FOXN3: variants seen among roughly 807,000 people sequenced by gnomAD.
The protein encoded by FOXN3 is forkhead box N3.
FOXN3 carries 7 observed loss-of-function variants against 38.4 expected under a neutral mutation model. The observed-to-expected ratio is 0.18, with a 90% CI of 0.10 to 0.34. The LOEUF (loss-of-function observed/expected upper bound fraction) is 0.34. Ranked by LOEUF, FOXN3 falls within the 10% of genes least tolerant of loss-of-function variation. FOXN3 has a pLI of 1.00. For missense variants in FOXN3, 456 were observed against 613.4 expected, an observed-to-expected ratio of 0.74 and a Z score of 2.71; for synonymous variants, 230 against 242.2, an observed-to-expected ratio of 0.95 and a Z score of 0.47.
intron 2 of FOXN3, among the ~76,000 whole-genome samples, chr14:89,407,144 C>T (rs1032123607): frequency 2.6e-5 from 4 of 152,148 alleles, no homozygotes; most frequent in African/African-American, 7.2e-5. Context: ...CCCAGACGTT[C>T]GTACTTCCTT....
upstream of FOXN3, among the ~76,000 whole-genome samples, chr14:89,420,902 A>T (rs917058127): frequency 3.4e-5 from 5 of 148,872 alleles, no homozygotes; most frequent in South Asian, 1.1e-3. Flanking sequence ...AAAAAAAAAG[A>T]TAAATGGGGA....
intron 3 of FOXN3, among the ~76,000 whole-genome samples, chr14:89,296,157 GTT>G (rs577767966): frequency 4.0e-3 from 606 of 152,196 alleles, no homozygotes; most frequent in African/African-American, 0.014. Context: ...TGGGATGCAT[GTT>G]TTGAGTATAT....
At chr14:89,583,343 T>C (rs1289126790) in intron 1 of FOXN3, among the ~76,000 whole-genome samples, 1 of 152,232 alleles carries the variant, frequency 6.6e-6, no homozygotes, top group African/African-American at 2.4e-5. Flanking sequence ...CATAGATGGA[T>C]TAATGCCGCT....
At chr14:89,292,409 G>T (rs1886902440) in intron 3 of FOXN3, among the ~76,000 whole-genome samples, 1 of 152,118 alleles carries the variant, frequency 6.6e-6, no homozygotes, top group African/African-American at 2.4e-5. Flanking sequence ...CCTGCCAGGG[G>T]TCACCTGGGT....
intron 1 of FOXN3, among the ~76,000 whole-genome samples, chr14:89,608,066 C>T (rs1343590498): frequency 6.6e-6 from 1 of 152,096 alleles, no homozygotes; most frequent in Non-Finnish European, 1.5e-5. Flanking sequence ...GAAAGCTCCG[C>T]TTCCCAGGTT....
intron 4 of FOXN3, among the ~76,000 whole-genome samples, chr14:89,227,016 CT>C (rs1163833198): frequency 1.3e-5 from 2 of 152,340 alleles, no homozygotes; most frequent in Non-Finnish European, 2.9e-5. Context: ...GTGCTGGGTA[CT>C]TTGTTACGGC....
intron 1 of FOXN3, among the ~76,000 whole-genome samples, chr14:89,495,880 G>A (rs764399797): frequency 4.6e-5 from 7 of 152,212 alleles, no homozygotes; most frequent in South Asian, 4.1e-4. Context: ...GTCAGACCTT[G>A]CTTAGGTCAC....
At chr14:89,336,216 C>CTCCACCCATCCATCCATCCA (rs150227035) in intron 3 of FOXN3, among the ~76,000 whole-genome samples, 1 of 143,038 alleles carries the variant, frequency 7.0e-6, no homozygotes, top group Non-Finnish European at 1.5e-5. Flanking sequence ...CTAACGGTGC[C>CTCCACCCATCCATCCATCCA]TCCATCCATC....
Position 89,157,547 on chromosome 14 carries a change from A to G in FOXN3, c.*4867T>C, listed in dbSNP as rs2092508774. On this transcript the variant is annotated 3_prime_UTR_variant, in exon 6 of 6. Coordinates refer to ENST00000557258, the MANE Select transcript of FOXN3 (RefSeq NM_005197.4). ...TGAATGCCATGTGTAAATCCTCATGAAACTCCAGAAACAGGAACACCACAC... is the reference window on the plus strand; with the variant it reads ...TGAATGCCATGTGTAAATCCTCATGGAACTCCAGAAACAGGAACACCACAC... 1 of 152,668 alleles carries G rather than the reference A, an allele frequency of 6.6e-6. No homozygotes were observed. Among genetic ancestry groups the G allele is most frequent in the Admixed American group, 6.5e-5 (1 of 15,294 alleles). 9.5% of individuals were successfully genotyped at this position (152,668 alleles called of 1,614,324 possible). A position where few individuals can be genotyped will look rare whatever the true frequency, so the allele number is the denominator to read the frequency against.
At chr14:89,508,708 G>A (rs748399796) in intron 1 of FOXN3, among the ~76,000 whole-genome samples, 2 of 152,174 alleles carry the variant, frequency 1.3e-5, no homozygotes, top group Non-Finnish European at 2.9e-5. Flanking sequence ...TCCAATGTTC[G>A]TGGGCCATGG....
chr14:89,598,672 A>G (rs1896103862), intron 1 of FOXN3, among the ~76,000 whole-genome samples: 1 of 152,218 alleles, frequency 6.6e-6, no homozygotes, highest in African/African-American at 2.4e-5. Flanking sequence ...GTTTTCTTTC[A>G]GCAATTTGAA....
At position 89,376,835 on chromosome 14, in the gene FOXN3, G is replaced by A. The variant is rs183135026; in HGVS notation, c.544-26027C>T. 3.6e-3 allele frequency among the ~76,000 whole-genome samples: 548 copies of A among 151,822 alleles called. 3 individuals are homozygous for A. Among genetic ancestry groups the A allele is most frequent in the African/African-American group, 0.013 (520 of 41,382 alleles). On this transcript the variant is annotated intron_variant, in intron 2 of 5. Coordinates refer to ENST00000557258, the MANE Select transcript of FOXN3 (RefSeq NM_005197.4). ...TCAACACCAGCCTGGCCAACATGGT[G>A]AAACCCCGTCTCTACTAAAAATACA...
intron 2 of FOXN3, among the ~76,000 whole-genome samples, chr14:89,356,824 C>T (rs759702863): frequency 2.6e-5 from 4 of 152,154 alleles, no homozygotes; most frequent in Admixed American, 2.6e-4. Context: ...TGGGAAAAAA[C>T]ACAGTAAGTA....
rs868343755 is a variant in FOXN3, at chr14:89,305,966, C to T, written c.681-24952G>A. ...CTCTAAGAATAAGGATGAAAAGAAG[C>T]AGCTGAGAGACCTAAGCCTTTTAAA... On this transcript the variant is annotated intron_variant, in intron 3 of 5. Transcript: ENST00000557258. Among the ~76,000 whole-genome samples the T allele has an allele frequency of 4.6e-5, 7 of 152,308 alleles. No homozygotes were observed. The South Asian group carries it at 1.0e-3, about 23-fold the overall frequency.
chr14:89,612,547 G>A (rs946612735), intron 1 of FOXN3, among the ~76,000 whole-genome samples: 3 of 152,192 alleles, frequency 2.0e-5, no homozygotes, highest in Admixed American at 2.0e-4. Context: ...TGTAATCCCA[G>A]CACTTTGGGA....
At chr14:89,348,606 G>T (rs778106082) in intron 3 of FOXN3, among the ~76,000 whole-genome samples, 25 of 152,136 alleles carry the variant, frequency 1.6e-4, no homozygotes, top group Non-Finnish European at 3.2e-4. Context: ...CACCGCCAGT[G>T]ACCTCTGTGG....
At chr14:89,325,265 CCATCACCAACACCAACACCAA>C (rs1888025422) in intron 3 of FOXN3, among the ~76,000 whole-genome samples, 1 of 147,036 alleles carries the variant, frequency 6.8e-6, no homozygotes, top group Non-Finnish European at 1.5e-5. Flanking sequence ...ACCACCACCA[CCATCACCAACACCAACACCAA>C]CACCACCAAC....
At chr14:89,214,561 C>T (rs1884204894) in intron 4 of FOXN3, among the ~76,000 whole-genome samples, 1 of 152,198 alleles carries the variant, frequency 6.6e-6, no homozygotes, top group Non-Finnish European at 1.5e-5. Context: ...TTTTGTAAGT[C>T]AAGTTGGTGA....
At chr14:89,238,768 TA>T (rs1378141478) in intron 4 of FOXN3, among the ~76,000 whole-genome samples, 1 of 152,234 alleles carries the variant, frequency 6.6e-6, no homozygotes, top group African/African-American at 2.4e-5. Flanking sequence ...TTTTTGAGCT[TA>T]AAACCTCATA....
Sources: gnomAD v4.1 joint callset for allele counts (sites outside exome capture counted in the v4.1 genomes callset) on GRCh38, gnomAD v4.1.1 for gene constraint, MANE v1.5 for transcripts, NCBI Gene and HGNC (gene_info 2026-07-23, HGNC 2026-07-21) for gene names.